Variants in FAM171A1 observed in about 807,000 individuals in gnomAD.
FAM171A1 encodes the protein family with sequence similarity 171 member A1.
A neutral mutation model predicts 74.9 loss-of-function variants in FAM171A1; 23 were observed. The observed-to-expected ratio is 0.31, with a 90% confidence interval of 0.22 to 0.44. FAM171A1 has a LOEUF of 0.44. Ranked by LOEUF, FAM171A1 falls within the 20% of genes least tolerant of loss-of-function variation. FAM171A1 has a pLI of 1.00. For missense variants in FAM171A1, 1,162 were observed against 1,159.2 expected, an observed-to-expected ratio of 1.00 and a Z score of -0.03; for synonymous variants, 527 against 505.7, an observed-to-expected ratio of 1.04 and a Z score of -0.57.
At chr10:15,341,978 C>T (rs529430717) in intron 1 of FAM171A1, among the ~76,000 whole-genome samples, 2 of 152,346 alleles carry the variant, frequency 1.3e-5, no homozygotes, top group Admixed American at 6.5e-5. Flanking sequence ...GCATCAGAAT[C>T]CCAGAGTTTA....
chr10:15,239,163 T>A (rs2131744488), intron 5 of FAM171A1, among the ~76,000 whole-genome samples: 1 of 152,330 alleles, frequency 6.6e-6, no homozygotes, highest in Admixed American at 6.5e-5. Flanking sequence ...AATCATCTCT[T>A]ACTGTCCAGA....
At chr10:15,260,044 C>G (rs557703215) in intron 3 of FAM171A1, among the ~76,000 whole-genome samples, 35 of 152,084 alleles carry the variant, frequency 2.3e-4, no homozygotes, top group Non-Finnish European at 4.3e-4. Context: ...CCAGTCTGGT[C>G]TCAAACTCCT....
chr10:15,370,874 C>CCCGCCGCCGCCGCCGCCG (rs564269771), intron 1 of FAM171A1, 82 bp downstream of exon 1: 1 of 648,552 alleles, frequency 1.5e-6, no homozygotes, highest in African/African-American at 2.1e-5. Flanking sequence ...CCGGGACCCT[C>CCCGCCGCCGCCGCCGCCG]CCGCCGCCGC....
In FAM171A1 at chr10:15,212,684, C is replaced by A; in HGVS notation, c.*231G>T. 1 of 607,586 alleles carries A rather than the reference C, an allele frequency of 1.6e-6. No individual in the cohort carries two copies. Among genetic ancestry groups the A allele is most frequent in the Admixed American group, 3.4e-5 (1 of 29,178 alleles). 37.6% of individuals were successfully genotyped at this position (607,586 alleles called of 1,614,324 possible). On this transcript the variant is annotated 3_prime_UTR_variant, in exon 8 of 8. Transcript: ENST00000378116. ...AGTCCTCGGAAGGACATCTGGACACCACTTTCAGCCACCTCCTTGCAGGGG... is the reference window on the plus strand; with the variant it reads ...AGTCCTCGGAAGGACATCTGGACACAACTTTCAGCCACCTCCTTGCAGGGG...
chr10:15,234,499 A>G (rs527704862), intron 5 of FAM171A1, among the ~76,000 whole-genome samples: 2 of 152,246 alleles, frequency 1.3e-5, no homozygotes, highest in South Asian at 2.1e-4. Context: ...GCTCGGGAAC[A>G]TTGGTTACAG....
upstream of FAM171A1, among the ~76,000 whole-genome samples, chr10:15,371,321 CGCT>C (rs1836146185): frequency 6.9e-6 from 1 of 145,738 alleles, no homozygotes; most frequent in African/African-American, 2.5e-5. Flanking sequence ...CCGCCGCCGC[CGCT>C]GCCCGCGCCC....
intron 1 of FAM171A1, 34 bp downstream of exon 1, chr10:15,370,920 GAC>G (rs1315525022): frequency 9.8e-7 from 1 of 1,015,724 alleles, no homozygotes; most frequent in Non-Finnish European, 1.2e-6. Context: ...GGCCCGGCGC[GAC>G]ACAAAGCCCC....
chr10:15,336,569 G>T (rs1176231883), intron 1 of FAM171A1, among the ~76,000 whole-genome samples: 1 of 152,074 alleles, frequency 6.6e-6, no homozygotes, highest in Non-Finnish European at 1.5e-5. Context: ...TTTCTGAAAT[G>T]GGGATATGTT....
chr10:15,276,241 C>T (rs191960015), intron 2 of FAM171A1, among the ~76,000 whole-genome samples: 289 of 151,982 alleles, frequency 1.9e-3, no homozygotes, highest in Non-Finnish European at 3.0e-3. Flanking sequence ...AATGCAGTGG[C>T]GCAATCTCAG....
At chr10:15,215,899 TAA>T in intron 7 of FAM171A1, 95 bp downstream of exon 7, 1 of 651,102 alleles carries the variant, frequency 1.5e-6, no homozygotes, top group Non-Finnish European at 2.4e-6. Context: ...TTAGAAAAAT[TAA>T]AAAAAAAACC....
In FAM171A1 at chr10:15,366,729, A is replaced by G. The variant is rs916695138; in HGVS notation, c.97+4227T>C. Reference sequence around the variant, plus strand: ...TTTTCTTCATGATACAGCATTATACATACCTGCTGTCTATCCAGTTTATTT... The same window carrying G: ...TTTTCTTCATGATACAGCATTATACGTACCTGCTGTCTATCCAGTTTATTT... On this transcript the variant is annotated intron_variant, in intron 1 of 7. Transcript: ENST00000378116. Among the ~76,000 whole-genome samples, 3 of 152,222 alleles carry G rather than the reference A, an allele frequency of 2.0e-5. No homozygotes were observed. The East Asian group carries it at 5.8e-4, about 29-fold the overall frequency.
intron 1 of FAM171A1, among the ~76,000 whole-genome samples, chr10:15,287,498 C>T (rs1483255407): frequency 6.6e-6 from 1 of 151,954 alleles, no homozygotes; most frequent in Non-Finnish European, 1.5e-5. Flanking sequence ...AGCGATTCTC[C>T]TGCCTCAGCC....
At chr10:15,370,259 T>G (rs1295830257) in intron 1 of FAM171A1, among the ~76,000 whole-genome samples, 2 of 150,376 alleles carry the variant, frequency 1.3e-5, no homozygotes, top group Non-Finnish European at 3.0e-5. Flanking sequence ...TTTTTTTTTT[T>G]TGGTGAGCGA....
intron 5 of FAM171A1, among the ~76,000 whole-genome samples, chr10:15,224,116 T>TG (rs1240548882): frequency 6.6e-6 from 1 of 152,046 alleles, no homozygotes; most frequent in Non-Finnish European, 1.5e-5. Context: ...AACACCCACC[T>TG]GGGGTGGGTG....
chr10:15,351,850 C>A (rs1305517074), intron 1 of FAM171A1, among the ~76,000 whole-genome samples: 1 of 151,920 alleles, frequency 6.6e-6, no homozygotes, highest in African/African-American at 2.4e-5. Context: ...CCTGGGAGTT[C>A]AAGACCAGCC....
At chr10:15,306,927 G>C (rs945721728) in intron 1 of FAM171A1, among the ~76,000 whole-genome samples, 4 of 152,146 alleles carry the variant, frequency 2.6e-5, no homozygotes, top group African/African-American at 4.8e-5. Flanking sequence ...CCTAGAGCAC[G>C]GCTTTCCATC....
At chr10:15,344,580 T>A (rs937983813) in intron 1 of FAM171A1, among the ~76,000 whole-genome samples, 8 of 152,304 alleles carry the variant, frequency 5.3e-5, no homozygotes, top group African/African-American at 1.9e-4. Context: ...CATTCAAATT[T>A]CAGATGACAA....
intron 1 of FAM171A1, among the ~76,000 whole-genome samples, chr10:15,296,489 GTGTT>G (rs1040911255): frequency 3.6e-4 from 55 of 152,174 alleles, no homozygotes; most frequent in Non-Finnish European, 7.3e-5. Flanking sequence ...ATCCTTGTGT[GTGTT>G]TAATTCTGAA....
At chr10:15,214,632 G>T (rs781069909) in intron 7 of FAM171A1, 31 bp from the exon 8 acceptor site, 1 of 1,516,912 alleles carries the variant, frequency 6.6e-7, no homozygotes, top group East Asian at 2.3e-5. Flanking sequence ...CAAAGCCAAA[G>T]ATTAGTGATT....
Sources: gnomAD v4.1 joint callset for allele counts (sites outside exome capture counted in the v4.1 genomes callset) on GRCh38, gnomAD v4.1.1 for gene constraint, MANE v1.5 for transcripts, NCBI Gene and HGNC (gene_info 2026-07-23, HGNC 2026-07-21) for gene names.